The following RTN4RL1 variants were observed in gnomAD, a reference collection of about 807,000 sequenced individuals.
RTN4RL1 encodes reticulon-4 receptor-like 1.
In RTN4RL1, 7 loss-of-function variants were observed where a neutral mutation model predicts 25.6. That is an observed-to-expected ratio of 0.27 (90% CI 0.16 to 0.51). The LOEUF (loss-of-function observed/expected upper bound fraction) is 0.51. Ranked by LOEUF, RTN4RL1 falls within the 20% of genes least tolerant of loss-of-function variation. The pLI, the probability that RTN4RL1 is intolerant of heterozygous loss-of-function variation, is 0.97. For synonymous variants in RTN4RL1, 297 were observed against 288.2 expected (o/e 1.03, Z -0.31); for missense variants, 500 against 615.6 (o/e 0.81, Z 1.99).
intron 1 of RTN4RL1, among the ~76,000 whole-genome samples, chr17:1,989,464 G>C (rs939688288): frequency 5.3e-5 from 8 of 152,162 alleles, no homozygotes; most frequent in African/African-American, 1.9e-4. Flanking sequence ...CGCTGGAGGG[G>C]CCCTGGAGCC....
rs1374745493 is a variant in RTN4RL1 at position 1,935,804 on chromosome 17, C to T, written c.*692G>A. ...GACGTAGTTAGTTATAAAACTGCAC[C>T]TTCTGTGAGAACCTCATTGCCCGGG... On this transcript the variant is annotated 3_prime_UTR_variant, in exon 2 of 2. Coordinates refer to ENST00000331238, the MANE Select transcript of RTN4RL1 (RefSeq NM_178568.4). The T allele has an allele frequency of 8.2e-6, 8 of 974,846 alleles. No homozygotes were observed. The highest frequency in any genetic ancestry group is 9.7e-6 in the Non-Finnish European group (8 of 827,262). The allele number at this position is 974,846 out of a possible 1,614,324, so 60.4% of individuals were successfully genotyped here.
intron 1 of RTN4RL1, among the ~76,000 whole-genome samples, chr17:1,962,676 C>A (rs907309295): frequency 6.6e-6 from 1 of 151,802 alleles, no homozygotes; most frequent in Non-Finnish European, 1.5e-5. Flanking sequence ...ATCAGCCCGG[C>A]CAACATGGTG....
rs1567528019 is a variant in RTN4RL1 at position 2,013,559 on chromosome 17, T to TCCCTCACCCTGGAACATAAATACCCCC, written c.13+11293_13+11294insGGGGGTATTTATGTTCCAGGGTGAGGG. 5.0e-4 allele frequency among the ~76,000 whole-genome samples: 74 copies of TCCCTCACCCTGGAACATAAATACCCCC among 148,374 alleles called. 2 individuals are homozygous for TCCCTCACCCTGGAACATAAATACCCCC. The highest frequency in any genetic ancestry group is 1.8e-3 in the African/African-American group (69 of 38,838). The stretch of plus-strand genomic sequence containing the variant: ...GTGGGTGCTGGAACATAAATACCCC[T>TCCCTCACCCTGGAACATAAATACCCCC]GCTCCCTCACCCTGGAACATAAATA... On this transcript the variant is annotated intron_variant, in intron 1 of 1. Coordinates refer to ENST00000331238, the MANE Select transcript of RTN4RL1 (RefSeq NM_178568.4).
At chr17:1,942,277 C>T (rs1915453882) in intron 1 of RTN4RL1, among the ~76,000 whole-genome samples, 1 of 152,190 alleles carries the variant, frequency 6.6e-6, no homozygotes, top group African/African-American at 2.4e-5. Context: ...TCTCTGAGGC[C>T]TCATTCATTC....
rs546240506 is a variant in RTN4RL1 at position 1,943,649 on chromosome 17, A to G, written c.14-5841T>C. Reference sequence around the variant, plus strand: ...AACAGCCTCAGGCCAGGCCGGCTGCACTTGGGGCTGCTGGCGCCTTAGGCT... The same window carrying G: ...AACAGCCTCAGGCCAGGCCGGCTGCGCTTGGGGCTGCTGGCGCCTTAGGCT... On this transcript the variant is annotated intron_variant, in intron 1 of 1. Coordinates refer to ENST00000331238, the MANE Select transcript of RTN4RL1 (RefSeq NM_178568.4). 4.6e-5 allele frequency among the ~76,000 whole-genome samples: 7 copies of G among 152,282 alleles called. No homozygotes were observed. The East Asian group carries it at 1.4e-3, about 30-fold the overall frequency.
At chr17:2,021,877 T>A (rs1334874074) in intron 1 of RTN4RL1, among the ~76,000 whole-genome samples, 2 of 102,878 alleles carry the variant, frequency 1.9e-5, no homozygotes, top group Non-Finnish European at 3.9e-5. Context: ...TTTTTTTTTT[T>A]AAATAGGGTC....
intron 1 of RTN4RL1, among the ~76,000 whole-genome samples, chr17:1,971,352 T>C (rs527418736): frequency 2.6e-5 from 4 of 152,310 alleles, no homozygotes; most frequent in African/African-American, 7.2e-5. Context: ...GAACTGTAGG[T>C]CAATTAAACC....
chr17:1,977,593 CCT>C (rs1443869159), intron 1 of RTN4RL1, among the ~76,000 whole-genome samples: 1 of 152,124 alleles, frequency 6.6e-6, no homozygotes, highest in Non-Finnish European at 1.5e-5. Flanking sequence ...CCTGGGGCGG[CCT>C]GGCCAGAGAC....
chr17:2,011,112 G>A (rs1355821849), intron 1 of RTN4RL1, among the ~76,000 whole-genome samples: 2 of 152,026 alleles, frequency 1.3e-5, no homozygotes, highest in East Asian at 1.9e-4. Flanking sequence ...TTGGCCGGGC[G>A]TGATGGCGCA....
chr17:2,001,888 C>G (rs185387370), intron 1 of RTN4RL1, among the ~76,000 whole-genome samples: 2 of 151,004 alleles, frequency 1.3e-5, no homozygotes, highest in Non-Finnish European at 1.5e-5. Context: ...CAGCTCCCCC[C>G]GTCCCCGGCT....
At chr17:1,972,724 C>T (rs1335150453) in intron 1 of RTN4RL1, among the ~76,000 whole-genome samples, 2 of 152,188 alleles carry the variant, frequency 1.3e-5, no homozygotes, top group African/African-American at 2.4e-5. Context: ...GAGCAGAGAC[C>T]CATCGTCCAC....
intron 1 of RTN4RL1, among the ~76,000 whole-genome samples, chr17:1,956,738 CTTTTT>C (rs35830030): frequency 2.3e-3 from 306 of 132,590 alleles, no homozygotes; most frequent in Non-Finnish European, 2.4e-3. Flanking sequence ...CTGTCGGGAA[CTTTTT>C]TTTTTTTTTT....
At position 1,979,864 on chromosome 17, in the gene RTN4RL1, A is replaced by G. The variant is rs756987639; in HGVS notation, c.14-42056T>C. 4.5e-4 allele frequency among the ~76,000 whole-genome samples: 69 copies of G among 152,146 alleles called. 1 individual carries two copies. The highest frequency in any genetic ancestry group is 8.4e-4 in the Non-Finnish European group (57 of 68,032). On this transcript the variant is annotated intron_variant, in intron 1 of 1. Transcript: ENST00000331238. ...TTACCGCTAGGCAGGCCAAGCGTGA[A>G]AGTGCTCAGACCCGGAATTGCGTGG... is the stretch of plus-strand genomic sequence containing the variant.
chr17:2,019,674 C>CAG (rs2151330867), intron 1 of RTN4RL1: 1 of 152,346 alleles, frequency 6.6e-6, no homozygotes, highest in East Asian at 1.9e-4. Flanking sequence ...TCTCCATCAA[C>CAG]AGAGCCATGT....
intron 1 of RTN4RL1, among the ~76,000 whole-genome samples, chr17:1,981,918 G>A (rs367873469): frequency 2.0e-5 from 3 of 152,246 alleles, no homozygotes; most frequent in Non-Finnish European, 4.4e-5. Context: ...GGCTATATGG[G>A]ATAGCCCACT....
chr17:1,939,815 C>G (rs1235681138), intron 1 of RTN4RL1, among the ~76,000 whole-genome samples: 1 of 152,120 alleles, frequency 6.6e-6, no homozygotes, highest in Non-Finnish European at 1.5e-5. Context: ...GTTGGGGGGC[C>G]GGCTCCAGGC....
intron 1 of RTN4RL1, among the ~76,000 whole-genome samples, chr17:2,005,776 T>TC (rs1310681600): frequency 6.7e-5 from 10 of 148,334 alleles, no homozygotes; most frequent in African/African-American, 2.4e-4. Flanking sequence ...CTTCTCTTTC[T>TC]TTTTTCTTTT....
rs1414779037 is a variant in RTN4RL1, at chr17:1,937,818, A to G, written c.14-10T>C. On this transcript the variant is annotated splice_polypyrimidine_tract_variant and intron_variant, in intron 1 of 1. Coordinates refer to ENST00000331238, the MANE Select transcript of RTN4RL1 (RefSeq NM_178568.4). Reference sequence around the variant, plus strand: ...AACTCCACACAGCACCCTGGCAGGGAGAGAGAGCACAGCCAGGTCAGGGGC... The same window carrying G: ...AACTCCACACAGCACCCTGGCAGGGGGAGAGAGCACAGCCAGGTCAGGGGC... 6.4e-7 allele frequency: 1 copy of G among 1,569,530 alleles called. No individual in the cohort carries two copies. The highest frequency in any genetic ancestry group is 8.6e-7 in the Non-Finnish European group (1 of 1,158,596).
intron 1 of RTN4RL1, among the ~76,000 whole-genome samples, chr17:1,993,060 T>C (rs542146379): frequency 1.1e-4 from 17 of 151,914 alleles, no homozygotes; most frequent in African/African-American, 4.1e-4. Context: ...CTGGACAACA[T>C]AGTGAAACCC....
Sources: allele counts gnomAD v4.1 joint callset (sites outside exome capture counted in the v4.1 genomes callset), GRCh38; gene constraint gnomAD v4.1.1; transcripts MANE v1.5; gene names NCBI Gene and HGNC (gene_info 2026-07-23, HGNC 2026-07-21).